The following RMND5A variants were observed in gnomAD, a reference collection of about 807,000 sequenced individuals.
RMND5A encodes E3 ubiquitin-protein transferase RMND5A.
Under a neutral mutation model 49.7 loss-of-function variants are expected in RMND5A, and 17 were observed. The ratio of observed to expected loss-of-function variants is 0.34; its 90% CI spans 0.23 to 0.51. RMND5A has a LOEUF of 0.51. Ranked by LOEUF, RMND5A falls within the 20% of genes least tolerant of loss-of-function variation. RMND5A has a pLI of 0.96. For missense variants in RMND5A, 255 were observed against 471.3 expected, an observed-to-expected ratio of 0.54 and a Z score of 4.25; for synonymous variants, 156 against 167.7, an observed-to-expected ratio of 0.93 and a Z score of 0.54.
At chr2:86,753,429 A>G (rs1681672102) in intron 3 of RMND5A, 29 bp from the exon 4 acceptor site, 1 of 1,403,296 alleles carries the variant, frequency 7.1e-7, no homozygotes, top group African/African-American at 1.4e-5. Flanking sequence ...TACTGCTAAC[A>G]AAAGTTCTTT....
chr2:86,728,900 A>G lies in RMND5A; in HGVS notation c.142+8091A>G, dbSNP rs188519933. On this transcript the variant is annotated intron_variant, in intron 1 of 8. Coordinates refer to ENST00000283632, the MANE Select transcript of RMND5A (RefSeq NM_022780.4). ...CCCGAGTAGCTGCGATTACAGGCGC[A>G]TGCCACCAGGCCTGACTATTTTTTT... 4.6e-3 allele frequency among the ~76,000 whole-genome samples: 696 copies of G among 151,312 alleles called. 8 individuals carry two copies. Among genetic ancestry groups the G allele is most frequent in the African/African-American group, 0.016 (667 of 40,868 alleles).
At chr2:86,754,233 G>T (rs866580219) in intron 4 of RMND5A, among the ~76,000 whole-genome samples, 1 of 152,016 alleles carries the variant, frequency 6.6e-6, no homozygotes, top group South Asian at 2.1e-4. Flanking sequence ...CCCATTCTTG[G>T]CCATCTGCTA....
chr2:86,749,510 C>G (rs1573436012), intron 2 of RMND5A, among the ~76,000 whole-genome samples: 5 of 152,100 alleles, frequency 3.3e-5, no homozygotes, highest in South Asian at 4.2e-4. Context: ...CCTTCCTCAG[C>G]CTCCCAAGTA....
chr2:86,769,759 A>AT (rs1331799405), intron 6 of RMND5A, among the ~76,000 whole-genome samples: 1 of 151,238 alleles, frequency 6.6e-6, no homozygotes, highest in Admixed American at 6.6e-5. Context: ...TTAGAGTTTT[A>AT]TTTTTTGTTT....
intron 4 of RMND5A, among the ~76,000 whole-genome samples, chr2:86,759,080 A>G (rs1156689325): frequency 6.6e-6 from 1 of 152,206 alleles, no homozygotes; most frequent in Non-Finnish European, 1.5e-5. Context: ...GGGATTGGCA[A>G]GAGGCTTTTT....
At chr2:86,762,923 C>T (rs945831192) in intron 4 of RMND5A, among the ~76,000 whole-genome samples, 4 of 151,512 alleles carry the variant, frequency 2.6e-5, no homozygotes, top group African/African-American at 9.7e-5. Context: ...ACCTATGGTG[C>T]CAGCTACTTG....
rs765468590 is a variant in RMND5A, at chr2:86,774,949, G to C, written c.*1538G>C. The C allele has an allele frequency of 6.5e-6, 1 of 152,688 alleles. No homozygotes were observed. The highest frequency in any genetic ancestry group is 1.5e-5 in the Non-Finnish European group (1 of 68,076). The allele number at this position is 152,688 out of a possible 1,614,324, so 9.5% of individuals were successfully genotyped here. ...TGTTTACCTGGGAGAGCTGGGGTTTGTTTGTGAGGAGAAAGAGTACTGTGG... is the reference window on the plus strand; with the variant it reads ...TGTTTACCTGGGAGAGCTGGGGTTTCTTTGTGAGGAGAAAGAGTACTGTGG... On this transcript the variant is annotated 3_prime_UTR_variant, in exon 9 of 9. Transcript: ENST00000283632.
chr2:86,768,116 G>A (rs914189093), intron 6 of RMND5A, among the ~76,000 whole-genome samples: 18 of 152,004 alleles, frequency 1.2e-4, no homozygotes, highest in African/African-American at 4.3e-4. Context: ...TGAACTAATC[G>A]GCACCTTTTA....
At chr2:86,770,899 G>C (rs974320884) in intron 7 of RMND5A, among the ~76,000 whole-genome samples, 1 of 152,180 alleles carries the variant, frequency 6.6e-6, no homozygotes, top group Non-Finnish European at 1.5e-5. Context: ...TGGAATTGTC[G>C]TTCCTGTCAT....
intron 4 of RMND5A, among the ~76,000 whole-genome samples, chr2:86,757,509 T>C (rs1681764883): frequency 6.6e-6 from 1 of 152,332 alleles, no homozygotes; most frequent in East Asian, 1.9e-4. Context: ...TGTCATCCTC[T>C]TCCATGGTGG....
At chr2:86,766,472 T>G (rs766778322) in intron 6 of RMND5A, among the ~76,000 whole-genome samples, 62 of 152,116 alleles carry the variant, frequency 4.1e-4, no homozygotes, top group Non-Finnish European at 1.5e-4. Flanking sequence ...GAGACCAGCC[T>G]GGCCAACATA....
intron 1 of RMND5A, 94 bp downstream of exon 1, chr2:86,720,903 T>G (rs1681196868): frequency 8.0e-7 from 1 of 1,256,892 alleles, no homozygotes; most frequent in Admixed American, 3.0e-5. Flanking sequence ...CCCTCGCGCC[T>G]CTGGCCCGGC....
chr2:86,745,027 A>G (rs963352983), intron 2 of RMND5A, among the ~76,000 whole-genome samples: 2 of 151,956 alleles, frequency 1.3e-5, no homozygotes, highest in African/African-American at 4.8e-5. Flanking sequence ...TTTTTAGTAA[A>G]AATAATGTAT....
At position 86,752,073 on chromosome 2, in the gene RMND5A, G is replaced by A. The variant is rs554050534; in HGVS notation, c.420+43G>A. The A allele has an allele frequency of 6.9e-6, 11 of 1,600,518 alleles. No individual in the cohort carries two copies. The African/African-American group carries it at 8.0e-5, about 12-fold the overall frequency. ...GGGAGGATATGAAAAAGAAACAAGG[G>A]AACTCCTTGGAGTTTATAGTATTTG... On this transcript the variant is annotated intron_variant, in intron 3 of 8. Transcript: ENST00000283632.
intron 4 of RMND5A, among the ~76,000 whole-genome samples, chr2:86,762,536 T>C (rs1672511746): frequency 6.6e-6 from 1 of 151,784 alleles, no homozygotes; most frequent in Non-Finnish European, 1.5e-5. Context: ...TCCCACCTAC[T>C]TGGGAGGCCG....
At chr2:86,760,314 G>T (rs1189493327) in intron 4 of RMND5A, among the ~76,000 whole-genome samples, 1 of 152,216 alleles carries the variant, frequency 6.6e-6, no homozygotes, top group Non-Finnish European at 1.5e-5. Context: ...AAAGTGCTGG[G>T]ATTACAGGCC....
chr2:86,771,647 C>T lies in RMND5A; in HGVS notation c.1047C>T (p.Pro349=). Residue 349 remains proline (P), a synonymous_variant, in exon 8 of 9, where the codon CCC becomes CCT. Coordinates refer to ENST00000283632, the MANE Select transcript of RMND5A (RefSeq NM_022780.4). Reference sequence around the variant, plus strand: ...AGCAAACAACAGATAACAATCCACCCATGAAATTGGTCTGTGGTCATATTA... The same window carrying T: ...AGCAAACAACAGATAACAATCCACCTATGAAATTGGTCTGTGGTCATATTA... ...LRQQTTDNNP[P]MKLVCGHIIS... 1 of 1,613,238 alleles carries T rather than the reference C, an allele frequency of 6.2e-7. No individual in the cohort carries two copies. The highest frequency in any genetic ancestry group is 1.1e-5 in the South Asian group (1 of 91,054).
intron 5 of RMND5A, chr2:86,765,645 T>C (rs748317464): frequency 2.1e-5 from 11 of 514,684 alleles, no homozygotes; most frequent in African/African-American, 5.7e-5. Context: ...ATTTAAATTA[T>C]AAGTTCAGTA....
intron 4 of RMND5A, among the ~76,000 whole-genome samples, chr2:86,762,349 T>C (rs1456528065): frequency 6.6e-6 from 1 of 152,138 alleles, no homozygotes; most frequent in Non-Finnish European, 1.5e-5. Context: ...CTTTAAAAAA[T>C]GTATCACTCT....
Sources: gnomAD v4.1 joint callset for allele counts (sites outside exome capture counted in the v4.1 genomes callset) on GRCh38, gnomAD v4.1.1 for gene constraint, MANE v1.5 for transcripts, NCBI Gene and HGNC (gene_info 2026-07-23, HGNC 2026-07-21) for gene names.